AR: variants seen among roughly 807,000 people sequenced by gnomAD.
AR encodes the protein dihydrotestosterone receptor.
Under a neutral mutation model 53.9 loss-of-function variants are expected in AR, and 8 were observed. The ratio of observed to expected loss-of-function variants is 0.15; its 90% confidence interval spans 0.09 to 0.27. The LOEUF is 0.27. AR is among the 10% of genes least tolerant of loss of function. AR has a pLI of 1.00. For missense variants in AR, 639 were observed against 742.5 expected, an observed-to-expected ratio of 0.86 and a Z score of 1.62; for synonymous variants, 359 against 316.4, an observed-to-expected ratio of 1.13 and a Z score of -1.43.
intron 2 of AR, among the ~76,000 whole-genome samples, chrX:67,644,188 C>T (rs1925937993): frequency 8.9e-6 from 1 of 112,030 alleles, no homozygotes; most frequent in South Asian, 3.7e-4. Context: ...TTTCAGGCCT[C>T]TTATATACGG....
intron 1 of AR, among the ~76,000 whole-genome samples, chrX:67,626,653 T>A (rs1433961782): frequency 1.5e-3 from 156 of 101,346 alleles, no homozygotes; most frequent in African/African-American, 5.4e-3. Flanking sequence ...TATTATACTT[T>A]AAGTTTTAGG....
At chrX:67,681,811 A>G (rs2075935760) in intron 2 of AR, among the ~76,000 whole-genome samples, 1 of 112,227 alleles carries the variant, frequency 8.9e-6, no homozygotes, top group African/African-American at 3.2e-5. Context: ...GATACAACCA[A>G]AAAGTCTTTA....
intron 2 of AR, among the ~76,000 whole-genome samples, chrX:67,663,340 C>G (rs919285179): frequency 1.8e-5 from 2 of 111,989 alleles, no homozygotes; most frequent in Admixed American, 1.9e-4. Context: ...AATTTCTCAG[C>G]ATTTGCTTGT....
At chrX:67,604,858 A>G (rs1311047440) in intron 1 of AR, among the ~76,000 whole-genome samples, 3 of 111,717 alleles carry the variant, frequency 2.7e-5, no homozygotes, top group Non-Finnish European at 5.6e-5. Flanking sequence ...ATTCTGATAT[A>G]TATTCCTCTG....
At position 67,546,051 on chromosome X, in the gene AR, G is replaced by A. The variant is rs2147319057; in HGVS notation, c.905G>A (p.Ser302Asn). ...CTGCTAGACGACAGCGCAGGCAAGA[G>A]CACTGAAGATACTGCTGAGTATTCC... ...GSLLDDSAGKSTEDTAEYSPF... is the reference protein window; with the variant it reads ...GSLLDDSAGKNTEDTAEYSPF... Residue 302 changes from serine to asparagine, a missense_variant, in exon 1 of 8, where the codon AGC becomes AAC. Physicochemically the swap from Ser to Asn is conservative, Grantham distance 46 (BLOSUM62 1). Transcript: ENST00000374690. The A allele has an allele frequency of 1.6e-6, 2 of 1,212,439 alleles. No individual in the cohort carries two copies. The highest frequency in any genetic ancestry group is 2.2e-6 in the Non-Finnish European group (2 of 895,668).
chrX:67,677,109 C>G (rs1044789500), intron 2 of AR, among the ~76,000 whole-genome samples: 1 of 110,620 alleles, frequency 9.0e-6, no homozygotes, highest in Non-Finnish European at 1.9e-5. Flanking sequence ...ACCAAACTCA[C>G]TAAGACTGAA....
intron 1 of AR, among the ~76,000 whole-genome samples, chrX:67,621,215 A>G (rs1482757076): frequency 1.8e-5 from 2 of 111,384 alleles, no homozygotes; most frequent in Admixed American, 9.5e-5. Flanking sequence ...CTCTGTCTCT[A>G]TCTAGGCTTG....
intron 1 of AR, among the ~76,000 whole-genome samples, chrX:67,564,757 A>G (rs1229976591): frequency 9.0e-6 from 1 of 111,488 alleles, no homozygotes; most frequent in African/African-American, 3.3e-5. Flanking sequence ...ATGGCATATG[A>G]CAGTTGCTAG....
At chrX:67,630,990 A>G (rs1925063797) in intron 1 of AR, among the ~76,000 whole-genome samples, 1 of 111,414 alleles carries the variant, frequency 9.0e-6, no homozygotes, top group South Asian at 3.8e-4. Context: ...TGGCTTGTAA[A>G]GTTTCTGCCG....
At chrX:67,688,771 G>A (rs768115518) in intron 3 of AR, among the ~76,000 whole-genome samples, 7 of 111,165 alleles carry the variant, frequency 6.3e-5, no homozygotes, top group African/African-American at 1.3e-4. Context: ...TTATCTCCAC[G>A]TTCCCTGCCC....
At chrX:67,606,050 T>G (rs907293915) in intron 1 of AR, among the ~76,000 whole-genome samples, 1 of 111,722 alleles carries the variant, frequency 9.0e-6, no homozygotes, top group Admixed American at 9.5e-5. Flanking sequence ...ATGAGCAAAT[T>G]GCTATTTTTT....
At chrX:67,606,134 A>G (rs1260328000) in intron 1 of AR, among the ~76,000 whole-genome samples, 1 of 110,688 alleles carries the variant, frequency 9.0e-6, no homozygotes, top group Non-Finnish European at 1.9e-5. Flanking sequence ...GAGATAAGGG[A>G]AAGTTCTCAG....
chrX:67,573,190 A>G (rs895040739), intron 1 of AR, among the ~76,000 whole-genome samples: 5 of 111,535 alleles, frequency 4.5e-5, no homozygotes, highest in Non-Finnish European at 9.4e-5. Flanking sequence ...AGGTCATTCA[A>G]ATGAAAGCTC....
rs2076160198 is a variant in AR, at chrX:67,726,973, G to T, written c.*3132G>T. ...GCAGTGCTCGATGTGGACGAAGAGT[G>T]AGGAAGAGAAAAAGAAGGAGCACCA... On this transcript the variant is annotated 3_prime_UTR_variant, in exon 8 of 8. Coordinates refer to ENST00000374690, the MANE Select transcript of AR (RefSeq NM_000044.6). 5.8e-6 allele frequency: 1 copy of T among 172,164 alleles called. No individual in the cohort carries two copies. Among genetic ancestry groups the T allele is most frequent in the African/African-American group, 2.9e-5 (1 of 33,934 alleles). The allele number at this position is 172,164 out of a possible 1,213,427, so 14.2% of individuals were successfully genotyped here.
At chrX:67,604,135 A>G (rs753689230) in intron 1 of AR, among the ~76,000 whole-genome samples, 4 of 109,464 alleles carry the variant, frequency 3.7e-5, no homozygotes, top group African/African-American at 1.3e-4. Context: ...ATGGTACAGG[A>G]ACAACACTGG....
intron 1 of AR, among the ~76,000 whole-genome samples, chrX:67,554,612 G>A (rs1930116815): frequency 9.0e-6 from 1 of 111,710 alleles, no homozygotes; most frequent in African/African-American, 3.3e-5. Flanking sequence ...ATAGCTGTCT[G>A]TAGAGATTAG....
chrX:67,615,863 C>G (rs1961792008), intron 1 of AR, among the ~76,000 whole-genome samples: 1 of 111,272 alleles, frequency 9.0e-6, no homozygotes, highest in Non-Finnish European at 1.9e-5. Context: ...TTAAAAACTT[C>G]TATAAATTAA....
chrX:67,612,160 T>G (rs1923912078), intron 1 of AR, among the ~76,000 whole-genome samples: 1 of 112,574 alleles, frequency 8.9e-6, no homozygotes, highest in Admixed American at 9.4e-5. Context: ...TAACAGAAAT[T>G]AAGTATATTT....
chrX:67,570,033 G>A (rs777080489), intron 1 of AR, among the ~76,000 whole-genome samples: 1 of 111,686 alleles, frequency 9.0e-6, no homozygotes, highest in Non-Finnish European at 1.9e-5. Flanking sequence ...ACTAGAATTG[G>A]CTTCTTATCT....
Sources: allele counts gnomAD v4.1 joint callset (sites outside exome capture counted in the v4.1 genomes callset), GRCh38; gene constraint gnomAD v4.1.1; transcripts MANE v1.5; gene names NCBI Gene and HGNC (gene_info 2026-07-23, HGNC 2026-07-21).